The following PDSS2 variants were observed in gnomAD, a reference collection of about 807,000 sequenced individuals.
PDSS2 encodes the protein all trans-polyprenyl-diphosphate synthase PDSS2.
Under a neutral mutation model 44.5 loss-of-function variants are expected in PDSS2, and 31 were observed. The ratio of observed to expected loss-of-function variants is 0.70; its 90% CI spans 0.52 to 0.94. The LOEUF is 0.94. Ranked by LOEUF, PDSS2 falls within the 40% of genes least tolerant of loss-of-function variation. The pLI is 0.00. For missense variants in PDSS2, 452 were observed against 482.2 expected (o/e 0.94, Z 0.59); for synonymous variants, 157 against 180.3 (o/e 0.87, Z 1.03).
At chr6:107,252,266 A>G (rs1209084440) in intron 3 of PDSS2, among the ~76,000 whole-genome samples, 1 of 152,194 alleles carries the variant, frequency 6.6e-6, no homozygotes, top group Non-Finnish European at 1.5e-5. Context: ...TCAAACTAGG[A>G]CTGGGTTTAA....
At chr6:107,366,669 A>C in intron 1 of PDSS2, among the ~76,000 whole-genome samples, 1 of 152,032 alleles carries the variant, frequency 6.6e-6, no homozygotes, top group Non-Finnish European at 1.5e-5. Context: ...TATAGGAATT[A>C]AAAGGACTAT....
chr6:107,212,297 A>C lies in PDSS2; in HGVS notation c.703-15T>G. On this transcript the variant is annotated splice_polypyrimidine_tract_variant and intron_variant, in intron 4 of 7. Transcript: ENST00000369037. ...ATATAACTTTCCTAAAAATGTAACA[A>C]AAGCCAAGATAAAAAAGACTTTAGG... 2 of 1,601,070 alleles carry C rather than the reference A, an allele frequency of 1.2e-6. No homozygotes were observed. Among genetic ancestry groups the C allele is most frequent in the Non-Finnish European group, 1.7e-6 (2 of 1,170,742 alleles).
chr6:107,155,992 C>T (rs1182242992), intron 7 of PDSS2, among the ~76,000 whole-genome samples: 2 of 141,788 alleles, frequency 1.4e-5, no homozygotes, highest in African/African-American at 2.6e-5. Context: ...CGGATTCAAG[C>T]AATTCTTCTG....
At chr6:107,414,322 A>G (rs535688349) in intron 1 of PDSS2, among the ~76,000 whole-genome samples, 14 of 152,364 alleles carry the variant, frequency 9.2e-5, no homozygotes, top group South Asian at 6.2e-4. Context: ...GAGGTTCTTG[A>G]ATAATTCACA....
At chr6:107,184,950 T>C (rs776641130) in intron 7 of PDSS2, among the ~76,000 whole-genome samples, 2 of 151,426 alleles carry the variant, frequency 1.3e-5, no homozygotes, top group African/African-American at 2.4e-5. Context: ...TGTTGAGTCA[T>C]GAGACAAATG....
At chr6:107,344,740 A>G (rs969625654) in intron 1 of PDSS2, among the ~76,000 whole-genome samples, 2 of 152,182 alleles carry the variant, frequency 1.3e-5, no homozygotes, top group Admixed American at 6.5e-5. Context: ...GTTACTGACC[A>G]CTAGTTGTAT....
At chr6:107,207,620 T>C (rs2114607408) in intron 6 of PDSS2, among the ~76,000 whole-genome samples, 1 of 147,992 alleles carries the variant, frequency 6.8e-6, no homozygotes, top group African/African-American at 2.5e-5. Flanking sequence ...TTTTTTTTTT[T>C]TTTTTTTGTG....
At chr6:107,299,442 C>T (rs963829330) in intron 2 of PDSS2, among the ~76,000 whole-genome samples, 8 of 152,130 alleles carry the variant, frequency 5.3e-5, no homozygotes, top group East Asian at 3.9e-4. Context: ...CAGGAGACAA[C>T]GCTAGCTATT....
chr6:107,425,439 G>A (rs1380245061), intron 1 of PDSS2, among the ~76,000 whole-genome samples: 1 of 152,164 alleles, frequency 6.6e-6, no homozygotes, highest in African/African-American at 2.4e-5. Flanking sequence ...GGTCTCAGAT[G>A]GAGATGAGGA....
chr6:107,267,768 T>G (rs564893680), intron 3 of PDSS2, among the ~76,000 whole-genome samples: 4 of 151,768 alleles, frequency 2.6e-5, no homozygotes, highest in African/African-American at 7.2e-5. Context: ...TTTGTTTTTT[T>G]TTTCTGTAGA....
intron 3 of PDSS2, among the ~76,000 whole-genome samples, chr6:107,257,165 G>A (rs543163438): frequency 2.0e-5 from 3 of 152,074 alleles, no homozygotes; most frequent in Admixed American, 2.0e-4. Flanking sequence ...GGGTGACAGA[G>A]CGAGACTCTG....
At chr6:107,166,253 C>T (rs11508804) in intron 7 of PDSS2, among the ~76,000 whole-genome samples, 3 of 151,786 alleles carry the variant, frequency 2.0e-5, no homozygotes, top group East Asian at 1.9e-4. Flanking sequence ...CAGTTTCCAA[C>T]GGGAATGCTT....
intron 1 of PDSS2, among the ~76,000 whole-genome samples, chr6:107,396,636 G>C (rs1779948494): frequency 6.7e-6 from 1 of 149,910 alleles, no homozygotes; most frequent in Non-Finnish European, 1.5e-5. Flanking sequence ...GATGTTATTT[G>C]CCACAGAGGA....
intron 1 of PDSS2, among the ~76,000 whole-genome samples, chr6:107,349,751 A>AAAACAAAC (rs34141361): frequency 6.5e-4 from 98 of 151,616 alleles, no homozygotes; most frequent in South Asian, 2.5e-3. Context: ...CTCAGCCTCA[A>AAAACAAAC]AAACAAACAA....
intron 4 of PDSS2, chr6:107,230,170 TG>T (rs1433256718): frequency 6.6e-6 from 1 of 152,160 alleles, no homozygotes; most frequent in Non-Finnish European, 1.5e-5. Flanking sequence ...GCAATGACTT[TG>T]TGGTGATCCT....
At chr6:107,379,875 T>C (rs1779403812) in intron 1 of PDSS2, among the ~76,000 whole-genome samples, 1 of 152,122 alleles carries the variant, frequency 6.6e-6, no homozygotes, top group Non-Finnish European at 1.5e-5. Flanking sequence ...TAATTATTGA[T>C]AATGATTAAT....
chr6:107,331,214 C>T (rs1777699562), intron 2 of PDSS2, among the ~76,000 whole-genome samples: 1 of 152,146 alleles, frequency 6.6e-6, no homozygotes, highest in Non-Finnish European at 1.5e-5. Flanking sequence ...AAACAAATGA[C>T]TTCAGGGGTA....
intron 1 of PDSS2, among the ~76,000 whole-genome samples, chr6:107,451,533 A>G (rs927875095): frequency 9.9e-5 from 15 of 152,232 alleles, no homozygotes; most frequent in African/African-American, 3.4e-4. Flanking sequence ...AGCCTCTGGA[A>G]TGTGCACAGA....
At chr6:107,260,658 A>ATTTTTTTTTTT (rs540553793) in intron 3 of PDSS2, among the ~76,000 whole-genome samples, 1 of 93,430 alleles carries the variant, frequency 1.1e-5, no homozygotes, top group African/African-American at 4.0e-5. Context: ...TTCCCCCTTC[A>ATTTTTTTTTTT]TTTTTTTTTT....
Sources: allele counts gnomAD v4.1 joint callset (sites outside exome capture counted in the v4.1 genomes callset), GRCh38; gene constraint gnomAD v4.1.1; transcripts MANE v1.5; gene names NCBI Gene and HGNC (gene_info 2026-07-23, HGNC 2026-07-21).